The following DPP10 variants were observed in gnomAD, a reference collection of about 807,000 sequenced individuals.
DPP10 encodes dipeptidyl peptidase like 10.
DPP10 carries 33 observed loss-of-function variants against 120.9 expected under a neutral mutation model. The ratio of observed to expected loss-of-function variants is 0.27; its 90% confidence interval spans 0.21 to 0.37. The LOEUF (loss-of-function observed/expected upper bound fraction) is 0.37, where lower values mean the gene tolerates loss of function less well. Among genes scored for constraint, DPP10 ranks in the 10% least tolerant of loss-of-function variants. The pLI is 1.00. For missense variants in DPP10, 816 were observed against 942.8 expected, an observed-to-expected ratio of 0.87 and a Z score of 1.76; for synonymous variants, 337 against 326.1, an observed-to-expected ratio of 1.03 and a Z score of -0.36.
At chr2:115,408,034 G>C (rs2068655325) in intron 3 of DPP10, among the ~76,000 whole-genome samples, 1 of 151,930 alleles carries the variant, frequency 6.6e-6, no homozygotes, top group Admixed American at 6.6e-5. Context: ...GTGAGGGAGG[G>C]AAAATGAAGC....
intron 1 of DPP10, among the ~76,000 whole-genome samples, chr2:115,025,630 C>G (rs1305843223): frequency 6.6e-6 from 1 of 152,096 alleles, no homozygotes; most frequent in Non-Finnish European, 1.5e-5. Context: ...CAACAGTGTA[C>G]CAGGTTTCCC....
chr2:115,621,920 C>T (rs374927631), intron 5 of DPP10, among the ~76,000 whole-genome samples: 30 of 152,132 alleles, frequency 2.0e-4, no homozygotes, highest in East Asian at 9.7e-4. Flanking sequence ...TCAGGTGGTC[C>T]GCCTGTCTCA....
chr2:114,994,165 G>A (rs1321151634), intron 1 of DPP10, among the ~76,000 whole-genome samples: 1 of 152,070 alleles, frequency 6.6e-6, no homozygotes, highest in African/African-American at 2.4e-5. Flanking sequence ...TCTTGGCTCT[G>A]CACAATCTGG....
intron 5 of DPP10, among the ~76,000 whole-genome samples, chr2:115,631,511 A>G (rs530633695): frequency 2.8e-4 from 42 of 152,054 alleles, no homozygotes; most frequent in African/African-American, 9.9e-4. Context: ...TAGGATATTG[A>G]TTTGAGCTCT....
intron 1 of DPP10, among the ~76,000 whole-genome samples, chr2:114,728,868 T>G (rs1317031191): frequency 6.6e-6 from 1 of 152,152 alleles, no homozygotes; most frequent in Non-Finnish European, 1.5e-5. Flanking sequence ...AACAAAGAAA[T>G]GCTTTAAAAG....
intron 1 of DPP10, among the ~76,000 whole-genome samples, chr2:114,815,053 T>A (rs779713098): frequency 5.3e-5 from 8 of 152,210 alleles, no homozygotes; most frequent in Non-Finnish European, 8.8e-5. Context: ...TCCACCCTTC[T>A]GCTCCCTCTC....
chr2:114,940,495 G>T (rs1219226095), intron 1 of DPP10, among the ~76,000 whole-genome samples: 1 of 150,848 alleles, frequency 6.6e-6, no homozygotes, highest in African/African-American at 2.4e-5. Flanking sequence ...AGCTAGAGTA[G>T]TTAGTGTTGT....
At chr2:115,689,781 A>C in intron 6 of DPP10, 42 bp downstream of exon 6, 1 of 1,607,772 alleles carries the variant, frequency 6.2e-7, no homozygotes, top group Non-Finnish European at 8.5e-7. Flanking sequence ...CAATTGTGTT[A>C]CTAAATTGTT....
At chr2:115,147,896 G>A (rs1158330287) in intron 1 of DPP10, among the ~76,000 whole-genome samples, 2 of 152,124 alleles carry the variant, frequency 1.3e-5, no homozygotes, top group African/African-American at 2.4e-5. Context: ...GCTCTTTTTG[G>A]TAGATAGGGA....
Position 114,715,365 on chromosome 2 carries a change from T to C in DPP10, c.60+272527T>C, listed in dbSNP as rs115924956. On this transcript the variant is annotated intron_variant, in intron 1 of 25. Transcript: ENST00000410059. ...GGAAGGAAAACTAATACTTTATTCG[T>C]TGAAGAGGTTCAAATAAGCAAGGAT... Among the ~76,000 whole-genome samples, 1,202 of 152,280 alleles carry C rather than the reference T, an allele frequency of 7.9e-3. 15 individuals are homozygous for C. Among genetic ancestry groups the C allele is most frequent in the African/African-American group, 0.027 (1,131 of 41,568 alleles).
At chr2:115,490,997 A>C (rs1310512002) in intron 3 of DPP10, among the ~76,000 whole-genome samples, 1 of 152,158 alleles carries the variant, frequency 6.6e-6, no homozygotes, top group Admixed American at 6.5e-5. Context: ...TCACACCTGT[A>C]GTCTCAGCTA....
intron 1 of DPP10, among the ~76,000 whole-genome samples, chr2:114,660,926 T>C (rs1415001747): frequency 1.3e-5 from 2 of 152,212 alleles, no homozygotes; most frequent in African/African-American, 2.4e-5. Context: ...GAATTTCAAA[T>C]TTTTAGCCCA....
intron 1 of DPP10, among the ~76,000 whole-genome samples, chr2:114,781,744 G>A (rs1015932764): frequency 1.3e-5 from 2 of 152,026 alleles, no homozygotes. Context: ...AAAGGGCCAA[G>A]CCTCGTGATC....
intron 5 of DPP10, among the ~76,000 whole-genome samples, chr2:115,595,616 T>G (rs1368199972): frequency 6.6e-6 from 1 of 152,078 alleles, no homozygotes; most frequent in Non-Finnish European, 1.5e-5. Context: ...TTAGCCAACT[T>G]GATCACAAAC....
chr2:114,512,631 G>A (rs1239952364), intron 1 of DPP10, among the ~76,000 whole-genome samples: 3 of 152,182 alleles, frequency 2.0e-5, no homozygotes, highest in African/African-American at 4.8e-5. Flanking sequence ...ACAATGCTAC[G>A]GATGCAAACA....
At chr2:115,068,455 T>C (rs1365159706) in intron 1 of DPP10, among the ~76,000 whole-genome samples, 1 of 152,216 alleles carries the variant, frequency 6.6e-6, no homozygotes, top group African/African-American at 2.4e-5. Context: ...GAATTCCTTA[T>C]ATGTTTTGGA....
At chr2:115,619,806 A>T (rs1451782050) in intron 5 of DPP10, among the ~76,000 whole-genome samples, 1 of 152,112 alleles carries the variant, frequency 6.6e-6, no homozygotes, top group African/African-American at 2.4e-5. Flanking sequence ...CTCATGGAGG[A>T]TGAGACTTTA....
At chr2:115,057,430 T>G (rs192506409) in intron 1 of DPP10, among the ~76,000 whole-genome samples, 5 of 152,312 alleles carry the variant, frequency 3.3e-5, no homozygotes, top group Admixed American at 2.6e-4. Flanking sequence ...TTGTGAAAAT[T>G]TAATATTTTA....
At chr2:114,528,069 T>G (rs577790757) in intron 1 of DPP10, among the ~76,000 whole-genome samples, 3 of 152,048 alleles carry the variant, frequency 2.0e-5, no homozygotes, top group African/African-American at 4.8e-5. Flanking sequence ...AATCAGGAAC[T>G]TACTTGAAGA....
Sources: gnomAD v4.1 joint callset for allele counts (sites outside exome capture counted in the v4.1 genomes callset) on GRCh38, gnomAD v4.1.1 for gene constraint, MANE v1.5 for transcripts, NCBI Gene and HGNC (gene_info 2026-07-23, HGNC 2026-07-21) for gene names.